Variants in PCDHGB1 observed in about 807,000 individuals in gnomAD.
PCDHGB1 encodes the protein protocadherin gamma-B1.
A neutral mutation model predicts 56.6 loss-of-function variants in PCDHGB1; 34 were observed. The observed-to-expected ratio is 0.60, with a 90% CI of 0.46 to 0.80. The LOEUF (loss-of-function observed/expected upper bound fraction) is 0.80. Ranked by LOEUF, PCDHGB1 falls within the 30% of genes least tolerant of loss-of-function variation. The pLI, the probability that PCDHGB1 is intolerant of heterozygous loss-of-function variation, is 0.00. For synonymous variants in PCDHGB1, 561 were observed against 505.9 expected, an observed-to-expected ratio of 1.11 and a Z score of -1.46; for missense variants, 1,278 against 1,204.6, an observed-to-expected ratio of 1.06 and a Z score of -0.90.
intron 1 of PCDHGB1, among the ~76,000 whole-genome samples, chr5:141,353,193 TG>T (rs957597858): frequency 6.6e-6 from 1 of 152,202 alleles, no homozygotes; most frequent in African/African-American, 2.4e-5. Flanking sequence ...TGGCAAATCT[TG>T]CTAAAGAGAC....
In PCDHGB1 at chr5:141,375,141, G is replaced by A. The variant is rs745587842; in HGVS notation, c.2409+22472G>A. Reference sequence around the variant, plus strand: ...CCAGAAGTGGTTGTTACATCTGGAAGCAGAACAATTGCTGAAAGTGCACCT... The same window carrying A: ...CCAGAAGTGGTTGTTACATCTGGAAACAGAACAATTGCTGAAAGTGCACCT... On this transcript the variant is annotated intron_variant, in intron 1 of 3. Transcript: ENST00000523390. The A allele has an allele frequency of 1.9e-6, 3 of 1,613,962 alleles. No individual in the cohort carries two copies. Among genetic ancestry groups the A allele is most frequent in the Admixed American group, 1.7e-5 (1 of 60,032 alleles).
chr5:141,497,877 G>C (rs1057284578), intron 2 of PCDHGB1, among the ~76,000 whole-genome samples: 6 of 152,148 alleles, frequency 3.9e-5, no homozygotes, highest in Admixed American at 2.6e-4. Context: ...AGTGAAATAA[G>C]CGTTAGGATC....
At chr5:141,426,657 A>G (rs1369635444) in intron 1 of PCDHGB1, 2 of 425,278 alleles carry the variant, frequency 4.7e-6, no homozygotes, top group Non-Finnish European at 9.7e-6. Flanking sequence ...GATAGAAGAT[A>G]TAAATGATAA....
intron 1 of PCDHGB1, chr5:141,393,206 A>T: frequency 6.2e-7 from 1 of 1,613,588 alleles, no homozygotes; most frequent in East Asian, 2.2e-5. Context: ...ATAATAACCC[A>T]AAATTCCAGG....
chr5:141,417,566 C>G, intron 1 of PCDHGB1: 1 of 362,746 alleles, frequency 2.8e-6, no homozygotes. Context: ...AGAGAAAAGT[C>G]AAGTTGCAGT....
At chr5:141,382,824 A>T in intron 1 of PCDHGB1, 4 of 1,326,118 alleles carry the variant, frequency 3.0e-6, no homozygotes, top group Non-Finnish European at 4.1e-6. Context: ...CCTAAGACAG[A>T]GGGGTCCACC....
chr5:141,356,626 G>A (rs1298780239), intron 1 of PCDHGB1: 1 of 1,614,166 alleles, frequency 6.2e-7, no homozygotes. Flanking sequence ...ATCTATGACT[G>A]CTCAAGACCC....
chr5:141,498,531 G>A (rs1384404653), intron 2 of PCDHGB1, among the ~76,000 whole-genome samples: 3 of 148,544 alleles, frequency 2.0e-5, no homozygotes, highest in Non-Finnish European at 4.4e-5. Context: ...CTGCCCTCCA[G>A]CCTGGTCTGG....
rs61612330 is a variant in PCDHGB1, at chr5:141,454,796, A to ATTTTTTTTTTTTTTTTT, written c.2410-39998_2410-39982dup. Among the ~76,000 whole-genome samples the ATTTTTTTTTTTTTTTTT allele has an allele frequency of 1.9e-3, 147 of 77,454 alleles. 11 individuals carry two copies. Among genetic ancestry groups the ATTTTTTTTTTTTTTTTT allele is most frequent in the Middle Eastern group, 0.017 (2 of 120 alleles). 50.8% of individuals were successfully genotyped at this position (77,454 alleles called of 152,430 possible). ...AAGGAAATAATCCTCCATGGTTCTA[A>ATTTTTTTTTTTTTTTTT]TTTTTTTTTTTTTTTTTTTTTTTTT... On this transcript the variant is annotated intron_variant, in intron 1 of 3. Coordinates refer to ENST00000523390, the MANE Select transcript of PCDHGB1 (RefSeq NM_018922.3).
intron 1 of PCDHGB1, chr5:141,382,738 C>A (rs1464522704): frequency 1.7e-6 from 1 of 572,972 alleles, no homozygotes; most frequent in East Asian, 2.8e-5. Context: ...CACAGAGAAA[C>A]GACAGATTGC....
At chr5:141,356,429 T>C (rs1349646142) in intron 1 of PCDHGB1, 4 of 1,608,900 alleles carry the variant, frequency 2.5e-6, no homozygotes, top group African/African-American at 1.3e-5. Flanking sequence ...CACAGAACAC[T>C]GGACAGGGAA....
chr5:141,375,005 G>T, intron 1 of PCDHGB1: 2 of 1,614,010 alleles, frequency 1.2e-6, no homozygotes, highest in Non-Finnish European at 1.7e-6. Flanking sequence ...TGCAAATCTA[G>T]ACTATGAGGA....
At chr5:141,482,611 G>T (rs1016481108) in intron 1 of PCDHGB1, among the ~76,000 whole-genome samples, 1 of 150,398 alleles carries the variant, frequency 6.6e-6, no homozygotes, top group Admixed American at 6.6e-5. Context: ...ACACCTAAAT[G>T]AGCCTGGAGA....
At chr5:141,370,978 T>C (rs2149975927) in intron 1 of PCDHGB1, 1 of 1,613,976 alleles carries the variant, frequency 6.2e-7, no homozygotes, top group Non-Finnish European at 8.5e-7. Flanking sequence ...CCAGAGCTAG[T>C]ACTGAAAGCA....
intron 3 of PCDHGB1, chr5:141,507,424 G>C (rs577364087): frequency 6.6e-6 from 1 of 152,202 alleles, no homozygotes; most frequent in African/African-American, 2.4e-5. Context: ...GGTTAAGTGG[G>C]GCCAGGCCTA....
chr5:141,376,420 T>C (rs1312408619), intron 1 of PCDHGB1: 5 of 1,614,196 alleles, frequency 3.1e-6, no homozygotes, highest in African/African-American at 1.3e-5. Context: ...CCGACACGCT[T>C]ATCAACCAGG....
Position 141,510,362 on chromosome 5 carries a change from C to T in PCDHGB1, c.2558-585C>T, listed in dbSNP as rs74321279. Among the ~76,000 whole-genome samples the T allele has an allele frequency of 2.0e-4, 29 of 142,136 alleles. No homozygotes were observed. In the East Asian group the frequency reaches 5.7e-3, roughly 28 times the overall value. The allele number at this position is 142,136 out of a possible 152,430, so 93.2% of individuals were successfully genotyped here. A position where few individuals can be genotyped will look rare whatever the true frequency, so the allele number is the denominator to read the frequency against. On this transcript the variant is annotated intron_variant, in intron 3 of 3. Coordinates refer to ENST00000523390, the MANE Select transcript of PCDHGB1 (RefSeq NM_018922.3). ...CCCACACACTTACTAACGGAACTAC[C>T]GAATCTCTACTCGTGCCAGGCCTTG... is the stretch of plus-strand genomic sequence containing the variant.
chr5:141,431,699 T>C lies in PCDHGB1; in HGVS notation c.2410-63108T>C. ...GGAGTTGGACCACGAGGAGTCAGGA[T>C]TCTACCAGATGGAAGTGCAAGCAAT... is the stretch of plus-strand genomic sequence containing the variant. On this transcript the variant is annotated intron_variant, in intron 1 of 3. Coordinates refer to ENST00000523390, the MANE Select transcript of PCDHGB1 (RefSeq NM_018922.3). The surrounding 1 kb of genome is among the most constrained non-coding windows in gnomAD (Gnocchi z 4.8). 6.2e-7 allele frequency: 1 copy of C among 1,614,222 alleles called. No individual in the cohort carries two copies. Among genetic ancestry groups the C allele is most frequent in the South Asian group, 1.1e-5 (1 of 91,074 alleles).
intron 1 of PCDHGB1, chr5:141,371,931 G>T: frequency 6.2e-7 from 1 of 1,613,372 alleles, no homozygotes; most frequent in Non-Finnish European, 8.5e-7. Flanking sequence ...GCGGAGCGGG[G>T]TGGTGTTCGC....
Sources: gnomAD v4.1 joint callset for allele counts (sites outside exome capture counted in the v4.1 genomes callset) on GRCh38, gnomAD v4.1.1 for gene constraint, Gnocchi (gnomAD v3.1) non-coding constraint, MANE v1.5 for transcripts, NCBI Gene and HGNC (gene_info 2026-07-23, HGNC 2026-07-21) for gene names.